The following TBX15 variants were observed in gnomAD, a reference collection of about 807,000 sequenced individuals.
TBX15 encodes T-box transcription factor TBX15.
A neutral mutation model predicts 53.9 loss-of-function variants in TBX15; 18 were observed. That is an observed-to-expected ratio of 0.33 (90% confidence interval 0.23 to 0.49). TBX15 has a LOEUF of 0.49. Among genes scored for constraint, TBX15 ranks in the 20% least tolerant of loss-of-function variants. The pLI is 0.98. For missense variants in TBX15, 692 were observed against 749.5 expected (o/e 0.92, Z 0.90); for synonymous variants, 295 against 278.0 (o/e 1.06, Z -0.61).
chr1:118,954,311 A>G (rs563455456), intron 1 of TBX15, among the ~76,000 whole-genome samples: 6 of 152,174 alleles, frequency 3.9e-5, no homozygotes, highest in Non-Finnish European at 5.9e-5. Flanking sequence ...CTGGCTTCCA[A>G]TGATATTGAA....
intron 7 of TBX15, among the ~76,000 whole-genome samples, chr1:118,894,433 T>C (rs925938056): frequency 6.6e-6 from 1 of 152,180 alleles, no homozygotes; most frequent in African/African-American, 2.4e-5. Context: ...AAGTAAACTG[T>C]GGCCATTGAG....
chr1:118,957,665 C>T (rs1301760857), intron 1 of TBX15, among the ~76,000 whole-genome samples: 1 of 152,182 alleles, frequency 6.6e-6, no homozygotes, highest in Non-Finnish European at 1.5e-5. Flanking sequence ...TGTTCCCCTT[C>T]CTGTGTCTAT....
intron 7 of TBX15, among the ~76,000 whole-genome samples, chr1:118,893,309 G>GGAAA: frequency 9.5e-6 from 1 of 104,808 alleles, no homozygotes; most frequent in Non-Finnish European, 1.8e-5. Flanking sequence ...AAGGAAGGAA[G>GGAAA]GAAGGAAAGA....
intron 2 of TBX15, among the ~76,000 whole-genome samples, chr1:118,928,761 T>A (rs1349166640): frequency 6.6e-6 from 1 of 152,244 alleles, no homozygotes; most frequent in Non-Finnish European, 1.5e-5. Flanking sequence ...ATATCTGTTC[T>A]GTCTGGAACC....
intron 1 of TBX15, among the ~76,000 whole-genome samples, chr1:118,938,189 G>A (rs963046612): frequency 1.3e-5 from 2 of 152,158 alleles, no homozygotes; most frequent in Non-Finnish European, 2.9e-5. Context: ...AAATTATGAT[G>A]ATAGCAAACA....
chr1:118,912,926 T>C (rs1342225650), intron 6 of TBX15, among the ~76,000 whole-genome samples: 1 of 152,178 alleles, frequency 6.6e-6, no homozygotes, highest in Non-Finnish European at 1.5e-5. Context: ...TTTTGAGTGA[T>C]TTTTACTTTT....
intron 5 of TBX15, among the ~76,000 whole-genome samples, chr1:118,921,059 C>T (rs1655408855): frequency 1.2e-5 from 1 of 82,224 alleles, no homozygotes; most frequent in Admixed American, 1.2e-4. Context: ...CGCCTGTGGT[C>T]CCAGCTACAG....
chr1:118,926,560 C>T lies in TBX15; in HGVS notation c.471G>A (p.Gln157=). The T allele has an allele frequency of 6.2e-7, 1 of 1,613,964 alleles. No homozygotes were observed. Among genetic ancestry groups the T allele is most frequent in the Non-Finnish European group, 8.5e-7 (1 of 1,179,902 alleles). ...CAATGTCCATTGCTATGTAGTACTGCTGATGTGGATCTAGGCCAGTGATTT... is the reference window on the plus strand; with the variant it reads ...CAATGTCCATTGCTATGTAGTACTGTTGATGTGGATCTAGGCCAGTGATTT... The part of the protein sequence containing the change: ...RVKITGLDPH[Q]QYYIAMDIVP... The change falls in exon 3 of 8, where the codon CAG becomes CAA. Residue 157 remains glutamine, a synonymous_variant. Transcript: ENST00000369429.
At chr1:118,909,213 T>A (rs1654946285) in intron 6 of TBX15, among the ~76,000 whole-genome samples, 1 of 152,188 alleles carries the variant, frequency 6.6e-6, no homozygotes, top group South Asian at 2.1e-4. Flanking sequence ...ATCTATTCTG[T>A]GGAAGGCACA....
Position 118,883,424 on chromosome 1 carries a change from G to A in TBX15, c.*1308C>T, listed in dbSNP as rs920269527. ...ATGCAATGTACTATTTGATAAAAAT[G>A]GAGATCTAAGGGCAGGTAGAAGGGT... On this transcript the variant is annotated 3_prime_UTR_variant, in exon 8 of 8. Transcript: ENST00000369429. The A allele has an allele frequency of 6.6e-6, 1 of 152,432 alleles. No homozygotes were observed. The highest frequency in any genetic ancestry group is 1.5e-5 in the Non-Finnish European group (1 of 68,048). The allele number at this position is 152,432 out of a possible 1,614,324, so 9.4% of individuals were successfully genotyped here.
At chr1:118,918,585 C>T (rs1277746508) in intron 5 of TBX15, among the ~76,000 whole-genome samples, 4 of 152,126 alleles carry the variant, frequency 2.6e-5, no homozygotes, top group Non-Finnish European at 5.9e-5. Flanking sequence ...AATGAGAAGA[C>T]AGGGAAAATA....
At chr1:118,892,764 G>A (rs1403701419) in intron 7 of TBX15, among the ~76,000 whole-genome samples, 1 of 152,034 alleles carries the variant, frequency 6.6e-6, no homozygotes, top group Non-Finnish European at 1.5e-5. Flanking sequence ...CATTACCCAC[G>A]ACAGCATGAG....
At chr1:118,913,203 T>C (rs1655076962) in intron 6 of TBX15, among the ~76,000 whole-genome samples, 1 of 151,420 alleles carries the variant, frequency 6.6e-6, no homozygotes, top group South Asian at 2.1e-4. Flanking sequence ...TAATCTGTCA[T>C]TTGAATGTAA....
chr1:118,914,083 A>T, intron 6 of TBX15, 32 bp downstream of exon 6: 1 of 1,611,064 alleles, frequency 6.2e-7, no homozygotes, highest in Non-Finnish European at 8.5e-7. Context: ...TGTCACATAG[A>T]AAAGAAGTGC....
chr1:118,923,724 T>C (rs1655503066), intron 4 of TBX15, 121 bp from the exon 5 acceptor site: 8 of 1,170,570 alleles, frequency 6.8e-6, no homozygotes, highest in Middle Eastern at 2.4e-4. Context: ...AGGTGAGATG[T>C]ACAGAAAACT....
Position 118,924,737 on chromosome 1 carries a change from T to G in TBX15, c.602A>C (p.Asp201Ala), listed in dbSNP as rs913971444. 8 of 1,613,878 alleles carry G rather than the reference T, an allele frequency of 5.0e-6. No individual in the cohort carries two copies. In the Admixed American group the frequency reaches 6.7e-5, roughly 13 times the overall value. ...PVPPRVYIHPDSLASGDTWMR... is the reference protein window; with the variant it reads ...PVPPRVYIHPASLASGDTWMR... ...CCAGGTGTCTCCAGAAGCTAGAGAA[T>G]CAGGGTGTATATAAACTCTTGGGGG... The change falls in exon 4 of 8, where the codon GAT (aspartate) becomes GCT (alanine). Residue 201 changes from aspartate (D) to alanine (A), a missense_variant. By Grantham distance (126) the Asp-to-Ala change is moderately radical. Around this residue, in one of 3 missense-constraint regions of TBX15, gnomAD observed 307 missense variants for 347.5 expected, o/e 0.88. Transcript: ENST00000369429.
chr1:118,975,139 G>T (rs978519193), intron 1 of TBX15, among the ~76,000 whole-genome samples: 2 of 152,170 alleles, frequency 1.3e-5, no homozygotes, highest in African/African-American at 2.4e-5. Flanking sequence ...AGAGGTTTTA[G>T]ATAAAATTCA....
At chr1:118,961,635 T>G (rs1571208021) in intron 1 of TBX15, among the ~76,000 whole-genome samples, 1 of 152,318 alleles carries the variant, frequency 6.6e-6, no homozygotes, top group East Asian at 1.9e-4. Flanking sequence ...GTGTGAATCC[T>G]GAGGCCTAGG....
chr1:118,919,290 G>A (rs1177651959), intron 5 of TBX15, among the ~76,000 whole-genome samples: 1 of 152,150 alleles, frequency 6.6e-6, no homozygotes, highest in Non-Finnish European at 1.5e-5. Context: ...GGATATGTTG[G>A]CATCAGATTC....
Sources: allele counts gnomAD v4.1 joint callset (sites outside exome capture counted in the v4.1 genomes callset), GRCh38; gene constraint gnomAD v4.1.1; regional missense constraint gnomAD v4.1.1; transcripts MANE v1.5; gene names NCBI Gene and HGNC (gene_info 2026-07-23, HGNC 2026-07-21).